The following EXOC2 variants were observed in gnomAD, a reference collection of about 807,000 sequenced individuals.
EXOC2 encodes exocyst complex component 2, also known as SEC5-like 1.
Under a neutral mutation model 131.8 loss-of-function variants are expected in EXOC2, and 70 were observed. The observed-to-expected ratio is 0.53, with a 90% CI of 0.44 to 0.65. The LOEUF (loss-of-function observed/expected upper bound fraction) is 0.65, where lower values mean the gene tolerates loss of function less well. Ranked by LOEUF, EXOC2 falls within the 30% of genes least tolerant of loss-of-function variation. The pLI is 0.00. For synonymous variants in EXOC2, 411 were observed against 398.4 expected (o/e 1.03, Z -0.38); for missense variants, 923 against 1,108.6 (o/e 0.83, Z 2.38).
At chr6:647,707 CAAAG>C (rs756553465) in intron 1 of EXOC2, among the ~76,000 whole-genome samples, 1 of 145,264 alleles carries the variant, frequency 6.9e-6, no homozygotes, top group Admixed American at 7.3e-5. Context: ...CCTCTGGTCT[CAAAG>C]AACGCAAAAC....
At chr6:495,750 A>G (rs1763695731) in intron 25 of EXOC2, among the ~76,000 whole-genome samples, 1 of 152,156 alleles carries the variant, frequency 6.6e-6, no homozygotes, top group Non-Finnish European at 1.5e-5. Flanking sequence ...ATCGCATTGT[A>G]GTGTTAATTT....
At chr6:575,960 A>G (rs1269878265) in intron 12 of EXOC2, among the ~76,000 whole-genome samples, 36 of 152,234 alleles carry the variant, frequency 2.4e-4, no homozygotes, top group Admixed American at 2.4e-3. Context: ...GAAGCCTTTC[A>G]TTTAGTACAA....
chr6:604,758 G>GCCGGC lies in EXOC2; in HGVS notation c.742+5339_742+5340insGCCGG, dbSNP rs1253758555. Among the ~76,000 whole-genome samples, 169 of 145,488 alleles carry GCCGGC rather than the reference G, an allele frequency of 1.2e-3. 37 individuals are homozygous for GCCGGC. The highest frequency in any genetic ancestry group is 3.8e-3 in the African/African-American group (146 of 38,002). On this transcript the variant is annotated intron_variant, in intron 7 of 27. Transcript: ENST00000230449. ...GCCTCCCTCCACTCAGCCACCCACCGCTGGCCTCTGCTTGTCTCTGAACTC... is the reference window on the plus strand; with the variant it reads ...GCCTCCCTCCACTCAGCCACCCACCGCCGGCCTGGCCTCTGCTTGTCTCTGAACTC...
At chr6:648,256 CTTA>C (rs1762670832) in intron 1 of EXOC2, among the ~76,000 whole-genome samples, 1 of 152,120 alleles carries the variant, frequency 6.6e-6, no homozygotes, top group Admixed American at 6.5e-5. Flanking sequence ...ATAGTATGTT[CTTA>C]TGTTTGTTGA....
chr6:568,290 T>G (rs1758085519), intron 13 of EXOC2, among the ~76,000 whole-genome samples: 1 of 152,240 alleles, frequency 6.6e-6, no homozygotes, highest in Non-Finnish European at 1.5e-5. Flanking sequence ...ACAAAAGAGC[T>G]GATCCTCCCA....
At chr6:579,970 ACAATATGACAG>A (rs138551343) in intron 11 of EXOC2, among the ~76,000 whole-genome samples, 23,866 of 151,916 alleles carry the variant, frequency 0.16, 1,931 homozygotes, top group South Asian at 0.22. Context: ...GTTTCATCTT[ACAATATGACAG>A]CAATATCTCA....
intron 1 of EXOC2, among the ~76,000 whole-genome samples, chr6:680,831 G>C (rs1239536457): frequency 6.6e-6 from 1 of 152,190 alleles, no homozygotes; most frequent in Non-Finnish European, 1.5e-5. Context: ...AATCTTCAGT[G>C]GGCTTGCCTG....
intron 26 of EXOC2, among the ~76,000 whole-genome samples, chr6:490,191 C>T (rs937562767): frequency 5.3e-5 from 8 of 152,188 alleles, no homozygotes; most frequent in African/African-American, 1.9e-4. Flanking sequence ...CACATTTTCT[C>T]ATTTAACACC....
chr6:666,809 T>C (rs1177619975), intron 1 of EXOC2, among the ~76,000 whole-genome samples: 1 of 97,550 alleles, frequency 1.0e-5, no homozygotes, highest in Non-Finnish European at 2.4e-5. Flanking sequence ...TCATACTGAA[T>C]ACTTTCACTG....
At chr6:508,608 TG>T (rs1249890250) in intron 23 of EXOC2, among the ~76,000 whole-genome samples, 1 of 152,252 alleles carries the variant, frequency 6.6e-6, no homozygotes, top group African/African-American at 2.4e-5. Context: ...TTCCATGCCT[TG>T]CTCATTTCAT....
At chr6:562,755 A>G (rs1213419897) in intron 17 of EXOC2, 29 bp downstream of exon 17, 10 of 1,481,806 alleles carry the variant, frequency 6.7e-6, no homozygotes, top group Non-Finnish European at 9.2e-6. Flanking sequence ...CACACTAATG[A>G]CTAATAATTG....
chr6:658,267 C>T (rs556127217), intron 1 of EXOC2, among the ~76,000 whole-genome samples: 1 of 152,244 alleles, frequency 6.6e-6, no homozygotes, highest in East Asian at 1.9e-4. Flanking sequence ...TGAACCTGTA[C>T]CAGTGATTTA....
chr6:495,124 A>G (rs1763638161), intron 25 of EXOC2, among the ~76,000 whole-genome samples: 1 of 122,742 alleles, frequency 8.1e-6, no homozygotes, highest in African/African-American at 2.7e-5. Flanking sequence ...CATGGTGAAC[A>G]TTCTTTTTTT....
chr6:527,525 A>T (rs1765814492), intron 23 of EXOC2, among the ~76,000 whole-genome samples: 1 of 152,236 alleles, frequency 6.6e-6, no homozygotes, highest in Non-Finnish European at 1.5e-5. Flanking sequence ...CTGCCTGGAC[A>T]ACACACTTAC....
intron 1 of EXOC2, among the ~76,000 whole-genome samples, chr6:648,748 G>A (rs1055466959): frequency 1.6e-5 from 2 of 124,782 alleles, no homozygotes. Context: ...TTGAGACAAG[G>A]TATCACTCTG....
chr6:647,362 T>A (rs1267097556), intron 1 of EXOC2, among the ~76,000 whole-genome samples: 2 of 151,486 alleles, frequency 1.3e-5, no homozygotes, highest in African/African-American at 4.9e-5. Flanking sequence ...TCAGAGATCC[T>A]CAGCGGTTTT....
At chr6:655,443 T>G (rs1039066699) in intron 1 of EXOC2, among the ~76,000 whole-genome samples, 1 of 152,242 alleles carries the variant, frequency 6.6e-6, no homozygotes, top group African/African-American at 2.4e-5. Flanking sequence ...TATTGCAATA[T>G]TTGCTTTTTG....
intron 26 of EXOC2, among the ~76,000 whole-genome samples, chr6:489,299 C>G (rs1194448057): frequency 6.6e-6 from 1 of 152,234 alleles, no homozygotes; most frequent in African/African-American, 2.4e-5. Flanking sequence ...GGAAAAACAT[C>G]TTCGAAAGGA....
chr6:604,300 A>G (rs1210913814), intron 7 of EXOC2, among the ~76,000 whole-genome samples: 1 of 152,114 alleles, frequency 6.6e-6, no homozygotes, highest in Non-Finnish European at 1.5e-5. Context: ...TAACATGTCA[A>G]ACCTTCCCTG....
Sources: allele counts gnomAD v4.1 joint callset (sites outside exome capture counted in the v4.1 genomes callset), GRCh38; gene constraint gnomAD v4.1.1; transcripts MANE v1.5; gene names NCBI Gene and HGNC (gene_info 2026-07-23, HGNC 2026-07-21).